The following EEF2K variants were observed in gnomAD, a reference collection of about 807,000 sequenced individuals.
EEF2K encodes the protein eukaryotic elongation factor 2 kinase, also known as alternative protein EEF2K.
EEF2K carries 70 observed loss-of-function variants against 93.8 expected under a neutral mutation model. The ratio of observed to expected loss-of-function variants is 0.75; its 90% CI spans 0.62 to 0.91. The LOEUF is 0.91. Ranked by LOEUF, EEF2K falls within the 40% of genes least tolerant of loss-of-function variation. The pLI is 0.00. For synonymous variants in EEF2K, 376 were observed against 380.8 expected (o/e 0.99, Z 0.15); for missense variants, 935 against 972.9 (o/e 0.96, Z 0.52).
At position 22,221,497 on chromosome 16, in the gene EEF2K, G is replaced by A. The variant is rs377503324; in HGVS notation, c.-76-4157G>A. 2.9e-3 allele frequency among the ~76,000 whole-genome samples: 447 copies of A among 152,012 alleles called. 18 individuals carry two copies. In the South Asian group the frequency reaches 0.083, roughly 28 times the overall value. On this transcript the variant is annotated intron_variant, in intron 1 of 17. Coordinates refer to ENST00000263026, the MANE Select transcript of EEF2K (RefSeq NM_013302.5). ...CATTTAAAAAAAAAAAATAGCAAGA[G>A]CGCATTATACAAAGTAAGGCTAAGC...
intron 2 of EEF2K, among the ~76,000 whole-genome samples, chr16:22,244,269 TTGTGTGTGTG>T (rs200282636): frequency 0.022 from 3,037 of 140,124 alleles, 122 homozygotes; most frequent in African/African-American, 0.074. Context: ...TATATATGTA[TTGTGTGTGTG>T]TGTGTGTGTG....
intron 17 of EEF2K, 48 bp downstream of exon 17, chr16:22,280,424 G>T: frequency 7.2e-7 from 1 of 1,388,590 alleles, no homozygotes; most frequent in South Asian, 1.9e-5. Flanking sequence ...GCTGGGCAGG[G>T]AGGAACCTAA....
chr16:22,280,490 G>T (rs1447053178), intron 17 of EEF2K, 114 bp downstream of exon 17: 1 of 1,208,460 alleles, frequency 8.3e-7, no homozygotes, highest in East Asian at 3.1e-5. Flanking sequence ...TCTTCTTCCA[G>T]GGAGGGGAAT....
At chr16:22,257,836 C>T (rs2141674464) in intron 9 of EEF2K, 66 bp downstream of exon 9, 1 of 1,583,876 alleles carries the variant, frequency 6.3e-7, no homozygotes, top group Non-Finnish European at 8.6e-7. Context: ...GCAAGCCCTG[C>T]TCCCCTGTGT....
At chr16:22,260,437 A>G (rs1256850314) in intron 10 of EEF2K, 25 bp from the exon 11 acceptor site, 50 of 1,614,004 alleles carry the variant, frequency 3.1e-5, no homozygotes, top group Non-Finnish European at 4.1e-5. Flanking sequence ...GAACCAGGAC[A>G]TGATGTCTGT....
At chr16:22,259,273 C>T (rs912514266) in intron 10 of EEF2K, among the ~76,000 whole-genome samples, 2 of 152,110 alleles carry the variant, frequency 1.3e-5, no homozygotes, top group African/African-American at 4.8e-5. Flanking sequence ...AGGGTATTGG[C>T]CTAAAGAGCT....
chr16:22,254,059 A>G (rs58928314), intron 6 of EEF2K, among the ~76,000 whole-genome samples: 15,852 of 152,172 alleles, frequency 0.1, 885 homozygotes, highest in Middle Eastern at 0.13. Context: ...AGATTGGGCT[A>G]CTGCACTCCG....
intron 2 of EEF2K, among the ~76,000 whole-genome samples, chr16:22,234,825 C>T (rs1311950392): frequency 2.7e-5 from 4 of 149,682 alleles, no homozygotes; most frequent in African/African-American, 4.9e-5. Flanking sequence ...AATCATACAA[C>T]ATGTGGCCTT....
intron 1 of EEF2K, among the ~76,000 whole-genome samples, chr16:22,223,780 GA>G (rs1440824190): frequency 6.6e-6 from 1 of 152,146 alleles, no homozygotes; most frequent in Non-Finnish European, 1.5e-5. Flanking sequence ...GTGGGTATGG[GA>G]CCGTCCCCTT....
chr16:22,241,103 G>A (rs755567972), intron 2 of EEF2K, among the ~76,000 whole-genome samples: 4 of 152,034 alleles, frequency 2.6e-5, no homozygotes, highest in Non-Finnish European at 5.9e-5. Flanking sequence ...TGTTCACAGA[G>A]GCATAGGAAA....
rs766955813 is a variant in EEF2K at position 22,225,802 on chromosome 16, G to A, written c.73G>A (p.Gly25Ser). The A allele has an allele frequency of 3.1e-6, 5 of 1,614,232 alleles. No individual in the cohort carries two copies. Among genetic ancestry groups the A allele is most frequent in the African/African-American group, 1.3e-5 (1 of 75,056 alleles). ...CCAGTCCCCCCGAGCTGGCCATGAT[G>A]GTGATTCTGATGGGGACAGCGACGA... is the stretch of plus-strand genomic sequence containing the variant. Reference protein sequence around the residue: ...GGQSPRAGHDGDSDGDSDDEE... With the variant: ...GGQSPRAGHDSDSDGDSDDEE... Residue 25 changes from glycine (G) to serine (S), a missense_variant, in exon 2 of 18, where the codon GGT becomes AGT. By Grantham distance (56) the Gly-to-Ser change is moderately conservative. Coordinates refer to ENST00000263026, the MANE Select transcript of EEF2K (RefSeq NM_013302.5).
At chr16:22,261,379 AAAG>A (rs1288030058) in intron 11 of EEF2K, among the ~76,000 whole-genome samples, 1 of 151,388 alleles carries the variant, frequency 6.6e-6, no homozygotes, top group Non-Finnish European at 1.5e-5. Flanking sequence ...TCTCAAAAAA[AAAG>A]AAAAAACAAA....
At position 22,264,854 on chromosome 16, in the gene EEF2K, G is replaced by A. The variant is rs758569260; in HGVS notation, c.1414G>A (p.Glu472Lys). 5 of 1,613,874 alleles carry A rather than the reference G, an allele frequency of 3.1e-6. No individual in the cohort carries two copies. The African/African-American group carries it at 4.0e-5, about 13-fold the overall frequency. ...CAGTAATCGGAAGTACGAGTCTGAC[G>A]AAGACAGCCTGGGCAGCTCTGGACG... ...SYSNRKYESDEDSLGSSGRVC... is the reference protein window; with the variant it reads ...SYSNRKYESDKDSLGSSGRVC... Residue 472 changes from glutamate (E) to lysine (K), a missense_variant, in exon 13 of 18, where the codon GAA (glutamate) becomes AAA (lysine). Coordinates refer to ENST00000263026, the MANE Select transcript of EEF2K (RefSeq NM_013302.5).
intron 9 of EEF2K, 109 bp from the exon 10 acceptor site, chr16:22,258,385 T>G: frequency 1.7e-6 from 2 of 1,145,740 alleles, no homozygotes; most frequent in Non-Finnish European, 2.5e-6. Context: ...ACAGGCATGT[T>G]TAGGAGCTGT....
chr16:22,236,026 C>T (rs572560158), intron 2 of EEF2K, among the ~76,000 whole-genome samples: 8 of 152,096 alleles, frequency 5.3e-5, no homozygotes, highest in African/African-American at 1.7e-4. Context: ...TGCTCTGGAA[C>T]TCCAAGTGTC....
In EEF2K at chr16:22,243,922, C is replaced by CAAAAA. The variant is rs1011054825; in HGVS notation, c.247-691_247-687dup. ...TCGGCGACAAAGTAAGACCCTGTCTCAAAAAAAAAAAAAAAAAAAAAGAGG... is the reference window on the plus strand; with the variant it reads ...TCGGCGACAAAGTAAGACCCTGTCTCAAAAAAAAAAAAAAAAAAAAAAAAAAGAGG... On this transcript the variant is annotated intron_variant, in intron 2 of 17. Transcript: ENST00000263026. Among the ~76,000 whole-genome samples the CAAAAA allele has an allele frequency of 4.0e-4, 25 of 61,972 alleles. 1 individual carries two copies. The highest frequency in any genetic ancestry group is 9.5e-4 in the East Asian group (2 of 2,116). The allele number at this position is 61,972 out of a possible 152,430, so 40.7% of individuals were successfully genotyped here.
intron 8 of EEF2K, 117 bp downstream of exon 8, chr16:22,257,502 T>G: frequency 1.9e-6 from 3 of 1,547,214 alleles, no homozygotes; most frequent in Non-Finnish European, 2.6e-6. Flanking sequence ...TTCAAGATCA[T>G]GGAGATGGGA....
intron 3 of EEF2K, 138 bp downstream of exon 3, chr16:22,244,868 T>C (rs558082428): frequency 1.2e-6 from 1 of 859,366 alleles, no homozygotes; most frequent in Admixed American, 2.3e-5. Context: ...GGCATGCTAA[T>C]GCGTGCTTAA....
At chr16:22,225,057 C>T (rs1472989630) in intron 1 of EEF2K, among the ~76,000 whole-genome samples, 1 of 152,036 alleles carries the variant, frequency 6.6e-6, no homozygotes, top group Non-Finnish European at 1.5e-5. Flanking sequence ...TTTGGGGATT[C>T]ACAGAAGATT....
Sources: allele counts gnomAD v4.1 joint callset (sites outside exome capture counted in the v4.1 genomes callset), GRCh38; gene constraint gnomAD v4.1.1; transcripts MANE v1.5; gene names NCBI Gene and HGNC (gene_info 2026-07-23, HGNC 2026-07-21).